FHAD1: variants seen among roughly 807,000 people sequenced by gnomAD.
The protein encoded by FHAD1 is forkhead-associated domain-containing protein 1.
FHAD1 carries 146 observed loss-of-function variants against 191.3 expected under a neutral mutation model. That is an observed-to-expected ratio of 0.76 (90% confidence interval 0.67 to 0.88). FHAD1 has a LOEUF of 0.88. FHAD1 is among the 40% of genes least tolerant of loss of function. The pLI, the probability that FHAD1 is intolerant of heterozygous loss-of-function variation, is 0.00. For missense variants in FHAD1, 1,635 were observed against 1,785.8 expected, an observed-to-expected ratio of 0.92 and a Z score of 1.52; for synonymous variants, 616 against 672.3, an observed-to-expected ratio of 0.92 and a Z score of 1.29.
chr1:15,308,660 G>A lies in FHAD1; in HGVS notation c.963G>A (p.Leu321=), dbSNP rs1166599182. Residue 321 remains leucine (L), a synonymous_variant, in exon 7 of 34, where the codon CTG becomes CTA. Coordinates refer to ENST00000688493, the MANE Select transcript of FHAD1 (RefSeq NM_001391957.1). ...KGYSKVLCQT[L]SERNSEITSL... is the part of the protein sequence containing the mutation. The stretch of plus-strand genomic sequence containing the variant: ...ACAGCAAGGTGCTGTGCCAGACCCT[G>A]TCAGAGCGGAACTCAGAAATCACAT... 2.6e-6 allele frequency: 4 copies of A among 1,551,644 alleles called. No individual in the cohort carries two copies. In the African/African-American group the frequency reaches 4.1e-5, roughly 16 times the overall value.
At chr1:15,392,129 G>A (rs1261427080) in intron 33 of FHAD1, among the ~76,000 whole-genome samples, 3 of 152,176 alleles carry the variant, frequency 2.0e-5, no homozygotes. Context: ...TAAGAACAGA[G>A]TGATCTTCCC....
chr1:15,268,101 C>T (rs1052552435), intron 2 of FHAD1, among the ~76,000 whole-genome samples: 4 of 149,376 alleles, frequency 2.7e-5, no homozygotes, highest in African/African-American at 9.8e-5. Context: ...CCCATTAACT[C>T]GTCATTTAGC....
chr1:15,398,596 T>TCCCC (rs1706689295), downstream of FHAD1, among the ~76,000 whole-genome samples: 1 of 151,994 alleles, frequency 6.6e-6, no homozygotes, highest in African/African-American at 2.4e-5. Flanking sequence ...GTTGTTACAG[T>TCCCC]CCCAGGCCAC....
rs1688353690 is a variant in FHAD1 at position 15,345,140 on chromosome 1, G to A, written c.2188G>A (p.Glu730Lys). ...RNRAKETLEEERKRMQELESL... is the reference protein window; with the variant it reads ...RNRAKETLEEKRKRMQELESL... ...CAGAGCGAAAGAGACTTTAGAGGAA[G>A]AACGGAAGAGAATGCAAGAACTGGA... is the stretch of plus-strand genomic sequence containing the variant. The change falls in exon 17 of 34, where the codon GAA becomes AAA. Residue 730 changes from glutamate to lysine, a missense_variant. By Grantham distance (56) the Glu-to-Lys change is moderately conservative. Coordinates refer to ENST00000688493, the MANE Select transcript of FHAD1 (RefSeq NM_001391957.1). 2.6e-6 allele frequency: 4 copies of A among 1,551,880 alleles called. No individual in the cohort carries two copies. Among genetic ancestry groups the A allele is most frequent in the Non-Finnish European group, 3.5e-6 (4 of 1,147,026 alleles).
intron 5 of FHAD1, among the ~76,000 whole-genome samples, chr1:15,298,653 A>G (rs763739536): frequency 2.0e-5 from 3 of 152,154 alleles, no homozygotes; most frequent in Non-Finnish European, 4.4e-5. Flanking sequence ...TTCTTGGTCA[A>G]AGCAGATCAC....
At chr1:15,293,585 GCAC>G (rs1046937639) in intron 4 of FHAD1, among the ~76,000 whole-genome samples, 36 of 152,236 alleles carry the variant, frequency 2.4e-4, no homozygotes, top group Middle Eastern at 3.4e-3. Flanking sequence ...GGGTGTGGTG[GCAC>G]GCACCTGTAA....
intron 1 of FHAD1, among the ~76,000 whole-genome samples, chr1:15,249,207 C>G (rs1238526660): frequency 6.6e-6 from 1 of 151,418 alleles, no homozygotes. Flanking sequence ...AGCTAGACAA[C>G]AAAGTGACTG....
At position 15,312,079 on chromosome 1, in the gene FHAD1, T is replaced by A. The variant is rs1672447857; in HGVS notation, c.1040-978T>A. The A allele has an allele frequency of 1.3e-5, 2 of 152,242 alleles. No individual in the cohort carries two copies. The highest frequency in any genetic ancestry group is 1.3e-4 in the Admixed American group (2 of 15,270). 9.4% of individuals were successfully genotyped at this position (152,242 alleles called of 1,614,324 possible). ...GGTTGGCTTTCCCCAGACTGAGTGA[T>A]CCAAGGAGAGCAAAGAAGAAACCAC... On this transcript the variant is annotated intron_variant, in intron 7 of 33. Coordinates refer to ENST00000688493, the MANE Select transcript of FHAD1 (RefSeq NM_001391957.1). The surrounding 1 kb of genome is among the most constrained non-coding windows in gnomAD (Gnocchi z 4.7).
intron 3 of FHAD1, among the ~76,000 whole-genome samples, chr1:15,278,068 T>A (rs1261462381): frequency 6.6e-6 from 1 of 152,212 alleles, no homozygotes; most frequent in Admixed American, 6.5e-5. Flanking sequence ...AATCCCATGT[T>A]CTTAACCAGA....
chr1:15,292,551 TCTCAAC>T lies in FHAD1; in HGVS notation c.568+2889_568+2894del, dbSNP rs555341451. ...GTTTTCACCATGTTAGCCAGGCTGGTCTCAACCTCCTGACCTCAGGTGATCCACCCG... is the reference window on the plus strand; with the variant it reads ...GTTTTCACCATGTTAGCCAGGCTGGTCTCCTGACCTCAGGTGATCCACCCG... On this transcript the variant is annotated intron_variant, in intron 4 of 33. Transcript: ENST00000688493. 2.1e-4 allele frequency among the ~76,000 whole-genome samples: 32 copies of T among 152,268 alleles called. 1 individual carries two copies. The South Asian group carries it at 6.4e-3, about 31-fold the overall frequency.
intron 1 of FHAD1, among the ~76,000 whole-genome samples, chr1:15,248,076 A>G (rs1646312312): frequency 6.6e-6 from 1 of 150,662 alleles, no homozygotes; most frequent in Middle Eastern, 3.4e-3. Flanking sequence ...CCAGAATGTC[A>G]TCTAGGATAA....
intron 31 of FHAD1, chr1:15,383,173 C>G (rs45598134): frequency 2.1e-6 from 1 of 471,702 alleles, no homozygotes. Context: ...GAGCTTCCAG[C>G]CCCTGCCTCG....
intron 5 of FHAD1, 54 bp downstream of exon 5, chr1:15,296,847 G>A (rs1488007448): frequency 7.1e-7 from 1 of 1,415,550 alleles, no homozygotes; most frequent in African/African-American, 1.4e-5. Flanking sequence ...GCACTGCAAA[G>A]GGACTTGCCG....
At position 15,329,209 on chromosome 1, in the gene FHAD1, C is replaced by CTT; in HGVS notation, c.1711-136_1711-135insTT. ...ATAAAAATTTTAAAAAAGAAAAAAA[C>CTT]TGAGTCCTCCCAAGGCGGCCAATAC... is the stretch of plus-strand genomic sequence containing the variant. On this transcript the variant is annotated intron_variant, in intron 13 of 33. Coordinates refer to ENST00000688493, the MANE Select transcript of FHAD1 (RefSeq NM_001391957.1). The surrounding 1 kb of genome is among the most constrained non-coding windows in gnomAD (Gnocchi z 5.0). The CTT allele has an allele frequency of 1.6e-6, 1 of 619,436 alleles. No individual in the cohort carries two copies. The highest frequency in any genetic ancestry group is 2.6e-6 in the Non-Finnish European group (1 of 379,112). 38.4% of individuals were successfully genotyped at this position (619,436 alleles called of 1,614,324 possible).
At chr1:15,389,902 GA>G (rs1183872319) in intron 32 of FHAD1, among the ~76,000 whole-genome samples, 1 of 152,184 alleles carries the variant, frequency 6.6e-6, no homozygotes, top group African/African-American at 2.4e-5. Flanking sequence ...TTTTCATTCT[GA>G]AATTCAAATG....
chr1:15,257,846 G>A (rs1409254205), intron 2 of FHAD1, among the ~76,000 whole-genome samples: 1 of 151,888 alleles, frequency 6.6e-6, no homozygotes, highest in African/African-American at 2.4e-5. Flanking sequence ...TTGTTTTTTT[G>A]GGGGGAGGGG....
chr1:15,324,374 T>C (rs2101692714), intron 10 of FHAD1, 78 bp from the exon 11 acceptor site: 2 of 1,169,918 alleles, frequency 1.7e-6, no homozygotes, highest in Non-Finnish European at 1.3e-6. Flanking sequence ...CCACGGCCAT[T>C]AGACATCCTA....
intron 13 of FHAD1, chr1:15,328,698 A>C (rs1352845742): frequency 3.2e-6 from 1 of 316,350 alleles, no homozygotes; most frequent in African/African-American, 2.1e-5. Flanking sequence ...AGCCAAAAAG[A>C]AATTGTTTTC....
Position 15,251,809 on chromosome 1 carries a change from G to A in FHAD1, c.25G>A (p.Glu9Lys). 6.4e-7 allele frequency: 1 copy of A among 1,552,248 alleles called. No homozygotes were observed. Among genetic ancestry groups the A allele is most frequent in the Non-Finnish European group, 8.7e-7 (1 of 1,147,126 alleles). MKAYLKSA[E>K]GFFVLNKSTT... ...GATGAAGGCCTATCTAAAGAGCGCA[G>A]AAGGCTTTTTTGTCCTAAATAAAAG... The change falls in exon 2 of 34, where the codon GAA (glutamate) becomes AAA (lysine). Residue 9 changes from glutamate (E) to lysine (K), a missense_variant. Coordinates refer to ENST00000688493, the MANE Select transcript of FHAD1 (RefSeq NM_001391957.1).
Sources: allele counts gnomAD v4.1 joint callset (sites outside exome capture counted in the v4.1 genomes callset), GRCh38; gene constraint gnomAD v4.1.1; non-coding constraint Gnocchi (gnomAD v3.1); transcripts MANE v1.5; gene names NCBI Gene and HGNC (gene_info 2026-07-23, HGNC 2026-07-21).